Variants in DIP2C observed in about 807,000 individuals in gnomAD.
The protein encoded by DIP2C is disco-interacting protein 2 homolog C.
Under a neutral mutation model 192.4 loss-of-function variants are expected in DIP2C, and 33 were observed. The ratio of observed to expected loss-of-function variants is 0.17; its 90% CI spans 0.13 to 0.23. The LOEUF (loss-of-function observed/expected upper bound fraction) is 0.23, where lower values mean the gene tolerates loss of function less well. Among genes scored for constraint, DIP2C ranks in the 10% least tolerant of loss-of-function variants. DIP2C has a pLI of 1.00. For synonymous variants in DIP2C, 979 were observed against 864.1 expected (o/e 1.13, Z -2.33); for missense variants, 1,537 against 2,110.1 (o/e 0.73, Z 5.32).
In DIP2C at chr10:348,753, A is replaced by G; in HGVS notation, c.3119T>C (p.Leu1040Pro). The G allele has an allele frequency of 6.2e-7, 1 of 1,613,584 alleles. No homozygotes were observed. The highest frequency in any genetic ancestry group is 8.5e-7 in the Non-Finnish European group (1 of 1,179,852). Residue 1040 changes from leucine (L) to proline (P), a missense_variant, in exon 26 of 37, where the codon CTG (leucine) becomes CCG (proline). By Grantham distance (98) the Leu-to-Pro change is moderately conservative (BLOSUM62 -3). Coordinates refer to ENST00000280886, the MANE Select transcript of DIP2C (RefSeq NM_014974.3). ...VALVYPPGID[L>P]IAAFYGCLYA... ...CAGGCAACCATAAAACGCTGCTATC[A>G]GGTCTATTCCTACACAAGGAGAGAA...
chr10:521,834 C>T (rs989811792), intron 1 of DIP2C, among the ~76,000 whole-genome samples: 60 of 152,208 alleles, frequency 3.9e-4, no homozygotes, highest in African/African-American at 1.2e-3. Flanking sequence ...GCACAGAGTC[C>T]TCACGTATCT....
intron 33 of DIP2C, 115 bp from the exon 34 acceptor site, chr10:286,462 A>G: frequency 1.1e-6 from 1 of 944,790 alleles, no homozygotes; most frequent in Non-Finnish European, 1.7e-6. Context: ...TTTAGAAAGC[A>G]ATTAAATCAA....
Position 409,036 on chromosome 10 carries a change from G to A in DIP2C, c.1058-19C>T, listed in dbSNP as rs746085072. 3 of 1,612,680 alleles carry A rather than the reference G, an allele frequency of 1.9e-6. No homozygotes were observed. Among genetic ancestry groups the A allele is most frequent in the Non-Finnish European group, 2.5e-6 (3 of 1,178,784 alleles). The stretch of plus-strand genomic sequence containing the variant: ...AGCTTGCCTATGAATACAAATCACA[G>A]ACAAATGTGCGTATTAAACCATACG... On this transcript the variant is annotated intron_variant, in intron 8 of 36. Transcript: ENST00000280886.
chr10:557,619 A>T (rs1394776590), intron 1 of DIP2C, among the ~76,000 whole-genome samples: 1 of 130,516 alleles, frequency 7.7e-6, no homozygotes. Flanking sequence ...AATCTGTAAA[A>T]TGCAACATAT....
chr10:469,599 G>GAGCC (rs1431989989), intron 3 of DIP2C, among the ~76,000 whole-genome samples: 1 of 152,172 alleles, frequency 6.6e-6, no homozygotes, highest in Admixed American at 6.5e-5. Context: ...CTACAGGCAT[G>GAGCC]AGCCACAGCA....
chr10:602,481 G>A (rs772725940), intron 1 of DIP2C, among the ~76,000 whole-genome samples: 23 of 152,302 alleles, frequency 1.5e-4, no homozygotes, highest in Non-Finnish European at 3.1e-4. Context: ...GGGAGGCCTC[G>A]CTCTCAGGAC....
chr10:644,338 T>G (rs1855349737), intron 1 of DIP2C, among the ~76,000 whole-genome samples: 1 of 152,256 alleles, frequency 6.6e-6, no homozygotes, highest in African/African-American at 2.4e-5. Context: ...GCAACTCTGT[T>G]TAGTGAATTG....
chr10:560,279 G>T (rs1365062963), intron 1 of DIP2C, among the ~76,000 whole-genome samples: 2 of 152,182 alleles, frequency 1.3e-5, no homozygotes, highest in African/African-American at 4.8e-5. Flanking sequence ...GTCACAAAGA[G>T]GGGAGGTTCG....
chr10:442,043 C>CA (rs1424867178), intron 3 of DIP2C, among the ~76,000 whole-genome samples: 2 of 150,676 alleles, frequency 1.3e-5, no homozygotes, highest in Admixed American at 6.6e-5. Flanking sequence ...TAACAGGCTT[C>CA]AAGACAAGAA....
chr10:387,871 C>G (rs1033052533), intron 13 of DIP2C, 62 bp from the exon 14 acceptor site: 1 of 1,514,988 alleles, frequency 6.6e-7, no homozygotes, highest in Non-Finnish European at 9.2e-7. Flanking sequence ...GATCAAAATG[C>G]AAACAAAATC....
intron 1 of DIP2C, among the ~76,000 whole-genome samples, chr10:557,515 C>G (rs1188600608): frequency 6.6e-6 from 1 of 151,226 alleles, no homozygotes; most frequent in East Asian, 2.0e-4. Flanking sequence ...CTCATCTGTT[C>G]CCACGACATC....
intron 1 of DIP2C, among the ~76,000 whole-genome samples, chr10:554,398 A>G (rs1242845985): frequency 1.3e-5 from 2 of 152,258 alleles, no homozygotes; most frequent in African/African-American, 4.8e-5. Flanking sequence ...TTCTACAGTG[A>G]TATCTGATCC....
At chr10:368,474 C>T (rs932887392) in intron 18 of DIP2C, among the ~76,000 whole-genome samples, 1 of 152,166 alleles carries the variant, frequency 6.6e-6, no homozygotes, top group South Asian at 2.1e-4. Flanking sequence ...GGCAGAGCTG[C>T]GGGGATGCTG....
At chr10:497,596 G>A (rs1021038869) in intron 1 of DIP2C, among the ~76,000 whole-genome samples, 3 of 152,204 alleles carry the variant, frequency 2.0e-5, no homozygotes, top group African/African-American at 4.8e-5. Context: ...AATCCAAACC[G>A]TACGTAGTGA....
chr10:588,905 G>C (rs1486632606), intron 1 of DIP2C, among the ~76,000 whole-genome samples: 2 of 152,208 alleles, frequency 1.3e-5, no homozygotes. Context: ...GTTTGTGTGA[G>C]TTCAGTTTTG....
chr10:449,228 A>C (rs1351253569), intron 3 of DIP2C, among the ~76,000 whole-genome samples: 1 of 152,202 alleles, frequency 6.6e-6, no homozygotes, highest in African/African-American at 2.4e-5. Context: ...CCCCGTCGAT[A>C]CTCAGCGGCA....
At chr10:500,331 G>A (rs867174266) in intron 1 of DIP2C, among the ~76,000 whole-genome samples, 15 of 152,258 alleles carry the variant, frequency 9.9e-5, no homozygotes, top group Admixed American at 5.2e-4. Context: ...TCCAGCAGAC[G>A]TTATACAGTA....
rs905607292 is a variant in DIP2C at position 344,246 on chromosome 10, T to C, written c.3453+563A>G. Among the ~76,000 whole-genome samples, 6 of 152,202 alleles carry C rather than the reference T, an allele frequency of 3.9e-5. No individual in the cohort carries two copies. The South Asian group carries it at 6.2e-4, about 16-fold the overall frequency. On this transcript the variant is annotated intron_variant, in intron 28 of 36. Transcript: ENST00000280886. ...TTTGAAAAATTATTTTATTTCATATTGTAGCTACTTTGGTATTCCACCTCA... is the reference window on the plus strand; with the variant it reads ...TTTGAAAAATTATTTTATTTCATATCGTAGCTACTTTGGTATTCCACCTCA...
At chr10:513,088 G>A (rs373536699) in intron 1 of DIP2C, among the ~76,000 whole-genome samples, 10 of 152,240 alleles carry the variant, frequency 6.6e-5, no homozygotes, top group African/African-American at 1.9e-4. Flanking sequence ...CAAGTTTCAT[G>A]CTAAAAGCAC....
Sources: allele counts gnomAD v4.1 joint callset (sites outside exome capture counted in the v4.1 genomes callset), GRCh38; gene constraint gnomAD v4.1.1; transcripts MANE v1.5; gene names NCBI Gene and HGNC (gene_info 2026-07-23, HGNC 2026-07-21).